SGSM1: variants seen among roughly 807,000 people sequenced by gnomAD.
SGSM1 encodes the protein RUN and TBC1 domain containing 2.
In SGSM1, 73 loss-of-function variants were observed where a neutral mutation model predicts 133.8. The observed-to-expected ratio is 0.55, with a 90% confidence interval of 0.45 to 0.66. The LOEUF (loss-of-function observed/expected upper bound fraction) is 0.66, where lower values mean the gene tolerates loss of function less well. Among genes scored for constraint, SGSM1 ranks in the 30% least tolerant of loss-of-function variants. The pLI is 0.00. For missense variants in SGSM1, 1,213 were observed against 1,448.1 expected (o/e 0.84, Z 2.64); for synonymous variants, 563 against 573.0 (o/e 0.98, Z 0.25).
chr22:24,851,103 AAAAAAAAAAAAAAAAAG>A (rs1324650477), intron 5 of SGSM1, among the ~76,000 whole-genome samples: 2 of 93,488 alleles, frequency 2.1e-5, no homozygotes, highest in South Asian at 3.0e-4. Flanking sequence ...TCCATCTCAA[AAAAAAAAAAAAAAAAAG>A]AAAAAAAGAA....
At chr22:24,823,601 AAAAAT>A (rs1433728438) in intron 2 of SGSM1, among the ~76,000 whole-genome samples, 2 of 150,206 alleles carry the variant, frequency 1.3e-5, no homozygotes, top group South Asian at 4.3e-4. Context: ...ACTCCATCTC[AAAAAT>A]AAAATAAAAT....
intron 13 of SGSM1, 23 bp downstream of exon 13, chr22:24,876,738 A>G (rs1220939211): frequency 1.2e-6 from 2 of 1,613,850 alleles, no homozygotes; most frequent in Admixed American, 3.3e-5. Flanking sequence ...TGAGCTGCAG[A>G]TGGAGAGAGC....
At chr22:24,847,953 C>T (rs539553440) in intron 4 of SGSM1, among the ~76,000 whole-genome samples, 157 bp downstream of exon 4, 2 of 151,200 alleles carry the variant, frequency 1.3e-5, no homozygotes, top group African/African-American at 2.5e-5. Context: ...GGTCTTTGCA[C>T]GTGCCTCACC....
chr22:24,881,087 G>T (rs1932287457), intron 14 of SGSM1, among the ~76,000 whole-genome samples: 1 of 149,826 alleles, frequency 6.7e-6, no homozygotes, highest in African/African-American at 2.5e-5. Flanking sequence ...CAGCTACTTG[G>T]GAGGCTGAGG....
At chr22:24,908,122 A>G (rs1933472101) in intron 21 of SGSM1, among the ~76,000 whole-genome samples, 1 of 151,884 alleles carries the variant, frequency 6.6e-6, no homozygotes, top group African/African-American at 2.4e-5. Context: ...GTGAGGAAAA[A>G]CAGTCTTCTC....
intron 21 of SGSM1, among the ~76,000 whole-genome samples, chr22:24,912,318 G>T (rs910239773): frequency 6.6e-6 from 1 of 152,194 alleles, no homozygotes; most frequent in Non-Finnish European, 1.5e-5. Flanking sequence ...AGGAAACCAC[G>T]TGTGGGGTGC....
In SGSM1 at chr22:24,903,498, G is replaced by A. The variant is rs146713100; in HGVS notation, c.2735+1541G>A. On this transcript the variant is annotated intron_variant, in intron 20 of 24. Coordinates refer to ENST00000400358, the MANE Select transcript of SGSM1 (RefSeq NM_001098497.3). ...GCTAGGATTACAGTCATGAGCCATC[G>A]CACCCAGCCTGAATGTACATATTTT... 2.5e-3 allele frequency among the ~76,000 whole-genome samples: 381 copies of A among 152,152 alleles called. 10 individuals are homozygous for A. In the East Asian group the frequency reaches 0.048, roughly 19 times the overall value.
intron 3 of SGSM1, among the ~76,000 whole-genome samples, chr22:24,847,363 T>C (rs1930205519): frequency 6.6e-6 from 1 of 152,114 alleles, no homozygotes; most frequent in African/African-American, 2.4e-5. Flanking sequence ...ACTTCATGAG[T>C]TTTGTCACAA....
chr22:24,910,396 A>G (rs890572541), intron 21 of SGSM1, among the ~76,000 whole-genome samples: 2 of 152,184 alleles, frequency 1.3e-5, no homozygotes, highest in African/African-American at 4.8e-5. Flanking sequence ...GCTCACACCT[A>G]TAATCCTAGC....
rs370423097 is a variant in SGSM1, at chr22:24,898,466, G to A, written c.2517G>A (p.Glu839=). ...AGGACAACCTCTCGGAGGAGCCTGA[G>A]ATGGAAAGTCTCTTCCCTGCCCTGG... ...DSEDNLSEEP[E]MESLFPALAS... is the part of the protein sequence containing the mutation. Residue 839 remains glutamate (E), a synonymous_variant, in exon 19 of 25, where the codon GAG becomes GAA. Coordinates refer to ENST00000400358, the MANE Select transcript of SGSM1 (RefSeq NM_001098497.3). 2.5e-6 allele frequency: 4 copies of A among 1,613,922 alleles called. No individual in the cohort carries two copies. Among genetic ancestry groups the A allele is most frequent in the South Asian group, 1.1e-5 (1 of 91,076 alleles).
intron 12 of SGSM1, chr22:24,874,561 C>T (rs1213947789): frequency 1.2e-6 from 2 of 1,605,172 alleles, no homozygotes; most frequent in Non-Finnish European, 1.7e-6. Flanking sequence ...CACGCCAAGC[C>T]CGAAGGAGCA....
chr22:24,838,120 G>A (rs1929573520), intron 2 of SGSM1, among the ~76,000 whole-genome samples: 1 of 152,120 alleles, frequency 6.6e-6, no homozygotes, highest in African/African-American at 2.4e-5. Flanking sequence ...TGTGGTATAA[G>A]GTAAGGGTCC....
chr22:24,919,367 C>A (rs943708222), intron 23 of SGSM1, among the ~76,000 whole-genome samples: 10 of 152,050 alleles, frequency 6.6e-5, no homozygotes, highest in Non-Finnish European at 1.3e-4. Flanking sequence ...TGCTTTGAAC[C>A]GTTGCTCTAT....
chr22:24,893,059 AAAGGAAGG>A (rs1244975386), intron 16 of SGSM1, among the ~76,000 whole-genome samples: 3 of 149,928 alleles, frequency 2.0e-5, no homozygotes, highest in Non-Finnish European at 4.4e-5. Context: ...GTCAAGAAAG[AAAGGAAGG>A]AAGGAAGGAA....
chr22:24,913,522 T>G (rs1024731955), intron 22 of SGSM1, among the ~76,000 whole-genome samples: 3 of 152,184 alleles, frequency 2.0e-5, no homozygotes, highest in African/African-American at 7.2e-5. Context: ...CTCAACCCTT[T>G]GATTAGAAGG....
At chr22:24,905,461 C>T (rs191969623) in intron 21 of SGSM1, among the ~76,000 whole-genome samples, 1 of 152,248 alleles carries the variant, frequency 6.6e-6, no homozygotes, top group African/African-American at 2.4e-5. Context: ...ACCCAGACGG[C>T]TTCACTGGTG....
intron 15 of SGSM1, among the ~76,000 whole-genome samples, 164 bp downstream of exon 15, chr22:24,884,362 A>G (rs557591126): frequency 6.6e-6 from 1 of 152,356 alleles, no homozygotes; most frequent in South Asian, 2.1e-4. Context: ...TCCAAGACCT[A>G]CAGCTCACTT....
intron 12 of SGSM1, chr22:24,874,541 C>T (rs1366679173): frequency 3.7e-6 from 6 of 1,611,266 alleles, no homozygotes; most frequent in South Asian, 2.2e-5. Flanking sequence ...AGATGGGACA[C>T]TACTCTCCCC....
At chr22:24,842,121 T>C (rs1432624166) in intron 2 of SGSM1, among the ~76,000 whole-genome samples, 2 of 152,232 alleles carry the variant, frequency 1.3e-5, no homozygotes, top group African/African-American at 4.8e-5. Flanking sequence ...GCTTGGCAAC[T>C]GCCTTCCAGC....
Sources: allele counts gnomAD v4.1 joint callset (sites outside exome capture counted in the v4.1 genomes callset), GRCh38; gene constraint gnomAD v4.1.1; transcripts MANE v1.5; gene names NCBI Gene and HGNC (gene_info 2026-07-23, HGNC 2026-07-21).